The following GRIP1 variants were observed in gnomAD, a reference collection of about 807,000 sequenced individuals.
GRIP1 encodes glutamate receptor interacting protein 1, also known as glutamate receptor-interacting protein 1.
In GRIP1, 45 loss-of-function variants were observed where a neutral mutation model predicts 129.9. The ratio of observed to expected loss-of-function variants is 0.35; its 90% CI spans 0.27 to 0.44. The LOEUF is 0.44. Ranked by LOEUF, GRIP1 falls within the 20% of genes least tolerant of loss-of-function variation. The pLI is 1.00. For synonymous variants in GRIP1, 530 were observed against 520.8 expected (o/e 1.02, Z -0.24); for missense variants, 1,196 against 1,396.8 (o/e 0.86, Z 2.29).
intron 1 of GRIP1, among the ~76,000 whole-genome samples, chr12:66,633,524 A>G (rs1202351784): frequency 6.6e-6 from 1 of 152,044 alleles, no homozygotes; most frequent in African/African-American, 2.4e-5. Context: ...CCAGAAAGAG[A>G]ATGTGGAGAG....
intron 1 of GRIP1, among the ~76,000 whole-genome samples, chr12:66,843,193 C>T (rs1170759044): frequency 1.3e-5 from 2 of 151,888 alleles, no homozygotes; most frequent in East Asian, 1.9e-4. Flanking sequence ...ATAAAGAAAA[C>T]AATTCTACTT....
intron 1 of GRIP1, among the ~76,000 whole-genome samples, chr12:66,949,269 T>G (rs2041718411): frequency 6.6e-6 from 1 of 152,232 alleles, no homozygotes; most frequent in Non-Finnish European, 1.5e-5. Context: ...CAGAGGGATG[T>G]ATGTTAACCT....
At chr12:66,722,698 G>A (rs980532774) in intron 1 of GRIP1, among the ~76,000 whole-genome samples, 1 of 151,994 alleles carries the variant, frequency 6.6e-6, no homozygotes, top group Non-Finnish European at 1.5e-5. Context: ...TGTAGCTTCT[G>A]GAATAAATCT....
chr12:66,670,459 C>T (rs929434155), intron 1 of GRIP1, among the ~76,000 whole-genome samples: 9 of 152,264 alleles, frequency 5.9e-5, no homozygotes, highest in African/African-American at 1.2e-4. Context: ...TTAGCAGTGG[C>T]GCTCATAACT....
intron 1 of GRIP1, among the ~76,000 whole-genome samples, chr12:66,661,618 C>T (rs2033515927): frequency 1.3e-5 from 2 of 152,072 alleles, no homozygotes; most frequent in Non-Finnish European, 2.9e-5. Context: ...CCATGTAACA[C>T]ATATCTTACC....
chr12:66,676,487 C>A lies in GRIP1; in HGVS notation c.55+2363G>T, dbSNP rs144070362. Among the ~76,000 whole-genome samples the A allele has an allele frequency of 1.0e-3, 159 of 152,266 alleles. 1 individual carries two copies. Among genetic ancestry groups the A allele is most frequent in the African/African-American group, 3.6e-3 (148 of 41,550 alleles). ...TAGCCACAAGAGGCCTAATAAAGCTCTTGAAGCATTTCCTAAGAGCTCACA... is the reference window on the plus strand; with the variant it reads ...TAGCCACAAGAGGCCTAATAAAGCTATTGAAGCATTTCCTAAGAGCTCACA... On this transcript the variant is annotated intron_variant, in intron 1 of 24. Coordinates refer to ENST00000359742, the MANE Select transcript of GRIP1 (RefSeq NM_001366722.1).
At chr12:67,039,779 T>C (rs1178344588) in intron 1 of GRIP1, among the ~76,000 whole-genome samples, 1 of 152,188 alleles carries the variant, frequency 6.6e-6, no homozygotes, top group East Asian at 1.9e-4. Context: ...GCATGCACAG[T>C]TCTAGGCCTT....
At chr12:66,894,558 C>G (rs2040714714) in intron 1 of GRIP1, among the ~76,000 whole-genome samples, 1 of 152,164 alleles carries the variant, frequency 6.6e-6, no homozygotes, top group Non-Finnish European at 1.5e-5. Flanking sequence ...CTTCTGTATC[C>G]CAGTGTGTGC....
intron 1 of GRIP1, among the ~76,000 whole-genome samples, chr12:66,984,883 C>T (rs1194360519): frequency 6.6e-6 from 1 of 152,220 alleles, no homozygotes; most frequent in Non-Finnish European, 1.5e-5. Flanking sequence ...TGGTTTTAAA[C>T]TACAGCAACC....
At chr12:66,848,336 A>G (rs1215606382) in intron 1 of GRIP1, among the ~76,000 whole-genome samples, 6 of 152,070 alleles carry the variant, frequency 3.9e-5, no homozygotes, top group Non-Finnish European at 8.8e-5. Flanking sequence ...CAGTACTTCA[A>G]CAAGAAGTTA....
chr12:66,964,468 C>G (rs1222140217), intron 1 of GRIP1, among the ~76,000 whole-genome samples: 1 of 151,980 alleles, frequency 6.6e-6, no homozygotes, highest in Non-Finnish European at 1.5e-5. Flanking sequence ...AGAATTCATC[C>G]CTATTGAGCT....
intron 4 of GRIP1, among the ~76,000 whole-genome samples, chr12:66,531,118 C>T (rs1415063078): frequency 6.6e-6 from 1 of 151,360 alleles, no homozygotes; most frequent in African/African-American, 2.4e-5. Context: ...GCCTGTAATC[C>T]CAGCTACTTT....
chr12:66,498,372 T>G (rs2060297515), intron 7 of GRIP1, among the ~76,000 whole-genome samples: 1 of 152,206 alleles, frequency 6.6e-6, no homozygotes, highest in Non-Finnish European at 1.5e-5. Flanking sequence ...ACTAAACAGT[T>G]AATTTTAAGA....
intron 2 of GRIP1, among the ~76,000 whole-genome samples, chr12:66,580,584 C>CA (rs1296976246): frequency 7.0e-6 from 1 of 143,538 alleles, no homozygotes; most frequent in African/African-American, 2.5e-5. Flanking sequence ...AAATGGAAAA[C>CA]AAAAAAAGGC....
At chr12:67,013,664 A>G (rs890581480) in intron 1 of GRIP1, among the ~76,000 whole-genome samples, 2 of 152,222 alleles carry the variant, frequency 1.3e-5, no homozygotes, top group Non-Finnish European at 2.9e-5. Context: ...AGTCTCCTAC[A>G]GAGCTGAGGA....
intron 2 of GRIP1, among the ~76,000 whole-genome samples, 169 bp downstream of exon 2, chr12:66,596,678 C>T (rs2064062830): frequency 6.6e-6 from 1 of 152,148 alleles, no homozygotes; most frequent in Non-Finnish European, 1.5e-5. Flanking sequence ...CAAAGTCTAG[C>T]TTTTATGAAT....
chr12:66,853,100 T>A (rs74849923), intron 1 of GRIP1, among the ~76,000 whole-genome samples: 3 of 151,542 alleles, frequency 2.0e-5, no homozygotes, highest in African/African-American at 7.3e-5. Flanking sequence ...GAGCTTGGAG[T>A]GCATGTCTCA....
At chr12:66,483,000 A>G (rs1440918260) in intron 7 of GRIP1, among the ~76,000 whole-genome samples, 1 of 152,166 alleles carries the variant, frequency 6.6e-6, no homozygotes, top group African/African-American at 2.4e-5. Flanking sequence ...ATTACAGAAG[A>G]TACGCTGATG....
chr12:66,832,599 T>A (rs536664134), intron 1 of GRIP1, among the ~76,000 whole-genome samples: 1 of 152,302 alleles, frequency 6.6e-6, no homozygotes, highest in African/African-American at 2.4e-5. Flanking sequence ...TGATCCCTGG[T>A]AATGCAGTAA....
Sources: gnomAD v4.1 joint callset for allele counts (sites outside exome capture counted in the v4.1 genomes callset) on GRCh38, gnomAD v4.1.1 for gene constraint, MANE v1.5 for transcripts, NCBI Gene and HGNC (gene_info 2026-07-23, HGNC 2026-07-21) for gene names.